The following SH3PXD2B variants were observed in gnomAD, a reference collection of about 807,000 sequenced individuals.
SH3PXD2B encodes SH3 and PX domain-containing protein 2B.
SH3PXD2B carries 37 observed loss-of-function variants against 73.1 expected under a neutral mutation model. The observed-to-expected ratio is 0.51, with a 90% CI of 0.39 to 0.67. The LOEUF is 0.67. SH3PXD2B is among the 30% of genes least tolerant of loss of function. The probability of loss-of-function intolerance (pLI) is 0.00; values close to 1 mark genes in which losing one functional copy is unlikely to be tolerated. For missense variants in SH3PXD2B, 1,053 were observed against 1,197.8 expected, an observed-to-expected ratio of 0.88 and a Z score of 1.78; for synonymous variants, 457 against 480.5, an observed-to-expected ratio of 0.95 and a Z score of 0.64.
downstream of SH3PXD2B, among the ~76,000 whole-genome samples, chr5:172,333,155 G>A (rs1025414168): frequency 3.3e-5 from 5 of 151,768 alleles, no homozygotes; most frequent in Non-Finnish European, 5.9e-5. Context: ...GGCTGGTCTC[G>A]AACTCCTGAC....
intron 2 of SH3PXD2B, among the ~76,000 whole-genome samples, chr5:172,419,356 G>A (rs1178988480): frequency 6.6e-6 from 1 of 151,688 alleles, no homozygotes; most frequent in East Asian, 1.9e-4. Flanking sequence ...TCTTCCAGAT[G>A]ACTCTACGTC....
intron 12 of SH3PXD2B, among the ~76,000 whole-genome samples, chr5:172,340,833 G>A (rs922729205): frequency 6.6e-6 from 1 of 152,150 alleles, no homozygotes; most frequent in Non-Finnish European, 1.5e-5. Flanking sequence ...GGTCTCTAGC[G>A]ATCTGCCTGC....
downstream of SH3PXD2B, among the ~76,000 whole-genome samples, chr5:172,331,955 A>G (rs1756563571): frequency 6.6e-6 from 1 of 152,216 alleles, no homozygotes; most frequent in Non-Finnish European, 1.5e-5. Context: ...TCAAAAAACA[A>G]AACAAAACAA....
At chr5:172,404,316 A>T (rs4075864) in intron 3 of SH3PXD2B, among the ~76,000 whole-genome samples, 41,783 of 150,274 alleles carry the variant, frequency 0.28, 6,312 homozygotes, top group East Asian at 0.63. Context: ...ATATATATAT[A>T]TTTTTTTTTG....
intron 5 of SH3PXD2B, among the ~76,000 whole-genome samples, chr5:172,377,996 C>A (rs565118196): frequency 2.0e-5 from 3 of 152,166 alleles, no homozygotes; most frequent in Admixed American, 6.5e-5. Context: ...TCCTGTCCTG[C>A]GCTATTTCTA....
chr5:172,451,101 G>A (rs1759786250), intron 1 of SH3PXD2B, among the ~76,000 whole-genome samples: 1 of 152,252 alleles, frequency 6.6e-6, no homozygotes, highest in Admixed American at 6.5e-5. Context: ...TGGGGCTGGA[G>A]AGGACGCCAT....
chr5:172,397,226 C>A (rs1758322486), intron 3 of SH3PXD2B, among the ~76,000 whole-genome samples: 1 of 152,156 alleles, frequency 6.6e-6, no homozygotes, highest in Admixed American at 6.5e-5. Flanking sequence ...CTGTAGCGCT[C>A]CCAGTCCTAT....
At chr5:172,414,427 C>T (rs1289600350) in intron 2 of SH3PXD2B, among the ~76,000 whole-genome samples, 2 of 147,762 alleles carry the variant, frequency 1.4e-5, no homozygotes, top group South Asian at 2.2e-4. Context: ...CGAGATCGCG[C>T]CACTGCACTC....
rs1756799405 is a variant in SH3PXD2B, at chr5:172,339,504, C to T, written c.1601G>A (p.Gly534Glu). ...CTCCCGCTCCCGCTCCAGCAGCTCCCCCTCCGACTTGATGATGGATTCTTT... is the reference window on the plus strand; with the variant it reads ...CTCCCGCTCCCGCTCCAGCAGCTCCTCCTCCGACTTGATGATGGATTCTTT... ...PRKESIIKSE[G>E]ELLERERERQ... Residue 534 changes from glycine (G) to glutamate (E), a missense_variant, in exon 13 of 13, where the codon GGG (glycine) becomes GAG (glutamate). Physicochemically the swap from Gly to Glu is moderately conservative, Grantham distance 98. This residue lies in a region of SH3PXD2B where 587 missense variants were observed against 590.7 expected (regional missense o/e 0.99). Transcript: ENST00000311601. This position sits in a 1 kb window ranked among gnomAD's most constrained non-coding sequence, Gnocchi z 6.1. 6 of 1,614,014 alleles carry T rather than the reference C, an allele frequency of 3.7e-6. No individual in the cohort carries two copies. The highest frequency in any genetic ancestry group is 1.7e-5 in the Admixed American group (1 of 60,030).
At position 172,445,507 on chromosome 5, in the gene SH3PXD2B, G is replaced by A. The variant is rs375186216; in HGVS notation, c.75+8771C>T. Among the ~76,000 whole-genome samples the A allele has an allele frequency of 6.6e-6, 1 of 152,188 alleles. No individual in the cohort carries two copies. The highest frequency in any genetic ancestry group is 1.5e-5 in the Non-Finnish European group (1 of 68,024). ...TTACAGGCGTGAACTCCCATGCCCAGCCCTTATAATGAAGGCTTCTTGGTG... is the reference window on the plus strand; with the variant it reads ...TTACAGGCGTGAACTCCCATGCCCAACCCTTATAATGAAGGCTTCTTGGTG... On this transcript the variant is annotated intron_variant, in intron 1 of 12. Transcript: ENST00000311601. This position sits in a 1 kb window ranked among gnomAD's most constrained non-coding sequence, Gnocchi z 5.2.
intron 3 of SH3PXD2B, among the ~76,000 whole-genome samples, chr5:172,401,632 G>T (rs1339188615): frequency 1.3e-5 from 2 of 152,214 alleles, no homozygotes; most frequent in Non-Finnish European, 2.9e-5. Flanking sequence ...GACCCCGAAC[G>T]AAGGGACCAG....
intron 3 of SH3PXD2B, among the ~76,000 whole-genome samples, chr5:172,403,465 CCGGGGTCCTGGGGCCCAG>C (rs1464833073): frequency 1.2e-4 from 18 of 149,116 alleles, no homozygotes; most frequent in African/African-American, 3.7e-4. Context: ...AAGGGGTGGT[CCGGGGTCCTGGGGCCCAG>C]CGGGGTCCTG....
intron 6 of SH3PXD2B, among the ~76,000 whole-genome samples, chr5:172,363,287 T>G (rs75526937): frequency 0.015 from 2,235 of 152,216 alleles, 18 homozygotes; most frequent in South Asian, 0.032. Flanking sequence ...AACACCATCA[T>G]CCATCAACCA....
chr5:172,382,317 C>T (rs920663118), intron 4 of SH3PXD2B, among the ~76,000 whole-genome samples, 190 bp from the exon 5 acceptor site: 1 of 152,128 alleles, frequency 6.6e-6, no homozygotes, highest in African/African-American at 2.4e-5. Context: ...CTGTCTCAAA[C>T]ACACACACAT....
chr5:172,453,892 G>T (rs1759861234), intron 1 of SH3PXD2B, among the ~76,000 whole-genome samples: 1 of 152,172 alleles, frequency 6.6e-6, no homozygotes, highest in African/African-American at 2.4e-5. Flanking sequence ...CAAGGCGGGC[G>T]GCCTGAGAAC....
At chr5:172,382,219 G>A in intron 4 of SH3PXD2B, 92 bp from the exon 5 acceptor site, 1 of 1,066,094 alleles carries the variant, frequency 9.4e-7, no homozygotes, top group Non-Finnish European at 1.4e-6. Context: ...GGGAGGCTGA[G>A]GCAAGATAAT....
chr5:172,412,243 A>G (rs575503438), intron 2 of SH3PXD2B, among the ~76,000 whole-genome samples: 1 of 152,348 alleles, frequency 6.6e-6, no homozygotes, highest in East Asian at 1.9e-4. Context: ...TGGCTGTAGC[A>G]GGGCTGTCTG....
At chr5:172,361,131 G>A (rs917077482) in intron 7 of SH3PXD2B, among the ~76,000 whole-genome samples, 4 of 151,970 alleles carry the variant, frequency 2.6e-5, no homozygotes, top group African/African-American at 9.7e-5. Context: ...TGATGTGTTT[G>A]TATATGTACA....
At chr5:172,380,921 T>C (rs1296152705) in intron 5 of SH3PXD2B, among the ~76,000 whole-genome samples, 2 of 152,238 alleles carry the variant, frequency 1.3e-5, no homozygotes, top group African/African-American at 4.8e-5. Flanking sequence ...CCATCAGTCC[T>C]GAGTGGTGTA....
Sources: gnomAD v4.1 joint callset for allele counts (sites outside exome capture counted in the v4.1 genomes callset) on GRCh38, gnomAD v4.1.1 for gene constraint, gnomAD v4.1.1 regional missense constraint, Gnocchi (gnomAD v3.1) non-coding constraint, MANE v1.5 for transcripts, NCBI Gene and HGNC (gene_info 2026-07-23, HGNC 2026-07-21) for gene names.